ADAM22: variants seen among roughly 807,000 people sequenced by gnomAD.
The protein encoded by ADAM22 is ADAM metallopeptidase domain 22.
ADAM22 carries 65 observed loss-of-function variants against 144.6 expected under a neutral mutation model. The ratio of observed to expected loss-of-function variants is 0.45; its 90% CI spans 0.37 to 0.55. ADAM22 has a LOEUF of 0.55. Ranked by LOEUF, ADAM22 falls within the 20% of genes least tolerant of loss-of-function variation. The pLI, the probability that ADAM22 is intolerant of heterozygous loss-of-function variation, is 0.00. For synonymous variants in ADAM22, 391 were observed against 412.6 expected, an observed-to-expected ratio of 0.95 and a Z score of 0.63; for missense variants, 974 against 1,184.9, an observed-to-expected ratio of 0.82 and a Z score of 2.61.
intron 3 of ADAM22, among the ~76,000 whole-genome samples, chr7:88,039,449 CAAA>C (rs1216762883): frequency 8.5e-5 from 5 of 58,630 alleles, no homozygotes; most frequent in East Asian, 5.4e-4. Context: ...GATTCTGTCT[CAAA>C]AAAAAAAAAA....
At chr7:88,005,874 G>A (rs1793708832) in intron 3 of ADAM22, among the ~76,000 whole-genome samples, 1 of 151,972 alleles carries the variant, frequency 6.6e-6, no homozygotes, top group Non-Finnish European at 1.5e-5. Context: ...ATTTTTAAAA[G>A]CTGACAAGTA....
At chr7:88,146,766 A>C (rs1317578104) in intron 17 of ADAM22, among the ~76,000 whole-genome samples, 1 of 152,218 alleles carries the variant, frequency 6.6e-6, no homozygotes, top group Non-Finnish European at 1.5e-5. Flanking sequence ...CCAGTAAGGA[A>C]TAGATGTACA....
intron 4 of ADAM22, 144 bp from the exon 5 acceptor site, chr7:88,108,032 G>C (rs1381901239): frequency 3.3e-6 from 2 of 606,666 alleles, no homozygotes; most frequent in Non-Finnish European, 5.6e-6. Flanking sequence ...TGTTAGAAAA[G>C]ATTTGATAAT....
chr7:88,017,887 T>TA (rs918624972), intron 3 of ADAM22, among the ~76,000 whole-genome samples: 3 of 151,380 alleles, frequency 2.0e-5, no homozygotes, highest in Admixed American at 6.6e-5. Flanking sequence ...TCACAAAGAA[T>TA]AAAAAAAAAT....
chr7:88,143,559 C>T (rs1007221864), intron 15 of ADAM22, among the ~76,000 whole-genome samples: 4 of 152,100 alleles, frequency 2.6e-5, no homozygotes, highest in African/African-American at 9.7e-5. Context: ...GTTAAAATTA[C>T]AAGTATTTCT....
chr7:88,013,222 C>A (rs1320300236), intron 3 of ADAM22, among the ~76,000 whole-genome samples: 1 of 152,160 alleles, frequency 6.6e-6, no homozygotes, highest in African/African-American at 2.4e-5. Context: ...TCTCTATGTT[C>A]ACCTGTTTTT....
chr7:87,963,482 C>G (rs1275524654), intron 2 of ADAM22, among the ~76,000 whole-genome samples: 1 of 152,120 alleles, frequency 6.6e-6, no homozygotes, highest in African/African-American at 2.4e-5. Flanking sequence ...ATGACTGTGC[C>G]TGGCCTTTTT....
chr7:88,102,156 C>T (rs561889938), intron 4 of ADAM22, among the ~76,000 whole-genome samples: 4 of 152,300 alleles, frequency 2.6e-5, no homozygotes, highest in Admixed American at 6.5e-5. Context: ...TACTTCCATT[C>T]TCTGAAAGAT....
intron 14 of ADAM22, among the ~76,000 whole-genome samples, chr7:88,139,057 A>T (rs564719665): frequency 6.6e-6 from 1 of 152,178 alleles, no homozygotes; most frequent in Non-Finnish European, 1.5e-5. Flanking sequence ...AGAGTCCTAC[A>T]CTAAGAGTTA....
chr7:88,086,117 A>T (rs892268798), intron 4 of ADAM22, among the ~76,000 whole-genome samples: 1 of 152,340 alleles, frequency 6.6e-6, no homozygotes, highest in African/African-American at 2.4e-5. Flanking sequence ...TGGAGGTTGC[A>T]GTGAGCTGAG....
intron 4 of ADAM22, among the ~76,000 whole-genome samples, chr7:88,107,198 CTTTTTTTTTTTTTTTT>C (rs561936408): frequency 2.6e-4 from 20 of 76,570 alleles, no homozygotes; most frequent in African/African-American, 1.0e-3. Context: ...GATTGAATTT[CTTTTTTTTTTTTTTTT>C]TTTTTTTTTG....
rs191897172 is a variant in ADAM22 at position 88,077,919 on chromosome 7, A to G, written c.390+2227A>G. ...CTCTGTAGGCTCCACCTCTGGGGGC[A>G]GGGCACAGACAAACAAAAGACAGCA... On this transcript the variant is annotated intron_variant, in intron 4 of 31. Transcript: ENST00000413139. 5.6e-3 allele frequency among the ~76,000 whole-genome samples: 852 copies of G among 152,328 alleles called. 5 individuals are homozygous for G. Among genetic ancestry groups the G allele is most frequent in the South Asian group, 7.9e-3 (38 of 4,832 alleles).
At chr7:88,127,584 T>C (rs1056741838) in intron 8 of ADAM22, among the ~76,000 whole-genome samples, 3 of 151,734 alleles carry the variant, frequency 2.0e-5, no homozygotes, top group Non-Finnish European at 4.4e-5. Context: ...GGTGTTATAA[T>C]AGTTTTTTTT....
chr7:88,146,101 A>C (rs1586173002), intron 17 of ADAM22, among the ~76,000 whole-genome samples: 1 of 152,152 alleles, frequency 6.6e-6, no homozygotes, highest in Admixed American at 6.5e-5. Flanking sequence ...CCTTTACATC[A>C]ATACTAACAT....
intron 3 of ADAM22, among the ~76,000 whole-genome samples, chr7:88,046,820 A>T (rs1053497786): frequency 6.6e-6 from 1 of 152,150 alleles, no homozygotes; most frequent in African/African-American, 2.4e-5. Flanking sequence ...AGTTAGGTTA[A>T]TTTTTATAGG....
At chr7:88,033,670 G>A (rs553855012) in intron 3 of ADAM22, among the ~76,000 whole-genome samples, 1 of 152,240 alleles carries the variant, frequency 6.6e-6, no homozygotes, top group Non-Finnish European at 1.5e-5. Context: ...TGGGTCCAGA[G>A]ATACCATCTG....
At chr7:87,991,560 G>T (rs987772387) in intron 3 of ADAM22, among the ~76,000 whole-genome samples, 1 of 151,448 alleles carries the variant, frequency 6.6e-6, no homozygotes, top group African/African-American at 2.4e-5. Flanking sequence ...TAGAGACGGG[G>T]TTTCACCTTG....
intron 3 of ADAM22, among the ~76,000 whole-genome samples, chr7:88,046,739 A>T (rs1020692890): frequency 6.6e-6 from 1 of 152,080 alleles, no homozygotes; most frequent in Admixed American, 6.6e-5. Context: ...AGTGTTTTTT[A>T]TATATGTCAT....
chr7:88,014,159 G>A (rs1056283956), intron 3 of ADAM22, among the ~76,000 whole-genome samples: 6 of 151,988 alleles, frequency 3.9e-5, no homozygotes, highest in Non-Finnish European at 8.8e-5. Context: ...ACCCATGATG[G>A]AAAACACTCC....
Sources: gnomAD v4.1 joint callset for allele counts (sites outside exome capture counted in the v4.1 genomes callset) on GRCh38, gnomAD v4.1.1 for gene constraint, MANE v1.5 for transcripts, NCBI Gene and HGNC (gene_info 2026-07-23, HGNC 2026-07-21) for gene names.